Variants in IRAG2 observed in about 807,000 individuals in gnomAD.
IRAG2 encodes the protein lymphoid restricted membrane protein.
IRAG2 carries 45 observed loss-of-function variants against 69.9 expected under a neutral mutation model. That is an observed-to-expected ratio of 0.64 (90% confidence interval 0.51 to 0.83). The LOEUF is 0.83. Among genes scored for constraint, IRAG2 ranks in the 40% least tolerant of loss-of-function variants. The probability of loss-of-function intolerance (pLI) is 0.00; values close to 1 mark genes in which losing one functional copy is unlikely to be tolerated. For missense variants in IRAG2, 520 were observed against 587.0 expected, an observed-to-expected ratio of 0.89 and a Z score of 1.18; for synonymous variants, 193 against 202.4, an observed-to-expected ratio of 0.95 and a Z score of 0.40.
At chr12:25,072,379 A>G (rs10743534) in intron 6 of IRAG2, among the ~76,000 whole-genome samples, 52,249 of 151,868 alleles carry the variant, frequency 0.34, 9,428 homozygotes, top group East Asian at 0.67. Flanking sequence ...GATCCCACCA[A>G]TTCTCAACCT....
intron 1 of IRAG2, among the ~76,000 whole-genome samples, chr12:25,005,074 C>T (rs906477701): frequency 1.3e-5 from 2 of 151,130 alleles, no homozygotes; most frequent in African/African-American, 4.9e-5. Flanking sequence ...CAGAACAAAA[C>T]AGAACGTCAT....
At chr12:25,011,749 T>C (rs1188785709) in intron 3 of IRAG2, among the ~76,000 whole-genome samples, 4 of 152,206 alleles carry the variant, frequency 2.6e-5, no homozygotes, top group Admixed American at 2.0e-4. Context: ...TGAAGCCTGA[T>C]AATTTACATT....
intron 9 of IRAG2, 152 bp from the exon 10 acceptor site, chr12:25,083,271 G>A: frequency 1.5e-6 from 1 of 689,650 alleles, no homozygotes; most frequent in South Asian, 1.6e-5. Context: ...GAGTCAATGG[G>A]CACGTATACA....
chr12:25,040,317 G>T (rs1172136920), intron 16 of IRAG2, among the ~76,000 whole-genome samples: 1 of 152,186 alleles, frequency 6.6e-6, no homozygotes, highest in East Asian at 1.9e-4. Context: ...AGACCTGCCT[G>T]GGCAACATAG....
At chr12:25,032,651 A>G (rs1303484603) in intron 12 of IRAG2, among the ~76,000 whole-genome samples, 1 of 152,204 alleles carries the variant, frequency 6.6e-6, no homozygotes, top group East Asian at 1.9e-4. Flanking sequence ...TCAGGATGCC[A>G]GCAGGGTTGA....
At chr12:25,076,078 CA>C (rs200538560) in intron 6 of IRAG2, among the ~76,000 whole-genome samples, 4 of 144,842 alleles carry the variant, frequency 2.8e-5, no homozygotes, top group Non-Finnish European at 3.0e-5. Flanking sequence ...GAAACCAGAT[CA>C]AAAAAAAAAT....
At chr12:25,076,462 T>C (rs879901611) in intron 6 of IRAG2, 1 of 983,132 alleles carries the variant, frequency 1.0e-6, no homozygotes. Flanking sequence ...GGAGGCAAAC[T>C]GTATTTTTAC....
exon 3 of IRAG2, chr12:25,011,382 G>T: frequency 8.1e-7 from 1 of 1,231,726 alleles, no homozygotes; most frequent in Non-Finnish European, 1.0e-6. Context: ...CTCAGTCGGA[G>T]TGGCCAAAAT....
intron 4 of IRAG2, chr12:25,015,341 G>T (rs1378976252): frequency 8.1e-7 from 1 of 1,231,672 alleles, no homozygotes; most frequent in African/African-American, 1.6e-5. Context: ...ACTCTTGTAT[G>T]TGTTTCAGTG....
chr12:25,105,077 T>C (rs1351061609), intron 20 of IRAG2, among the ~76,000 whole-genome samples: 10 of 144,298 alleles, frequency 6.9e-5, no homozygotes. Context: ...CTCAGTTTTT[T>C]TTTTTTTTTT....
At chr12:25,068,292 A>G (rs1430513815) in intron 5 of IRAG2, among the ~76,000 whole-genome samples, 1 of 152,220 alleles carries the variant, frequency 6.6e-6, no homozygotes, top group East Asian at 1.9e-4. Context: ...TTTAAAGGAT[A>G]CAAATGAACA....
chr12:25,032,401 C>T lies in IRAG2; in HGVS notation c.1643+32C>T, dbSNP rs1200491470. 19 of 398,988 alleles carry T rather than the reference C, an allele frequency of 4.8e-5. No individual in the cohort carries two copies. In the East Asian group the frequency reaches 6.8e-4, roughly 14 times the overall value. The allele number at this position is 398,988 out of a possible 1,614,324, so 24.7% of individuals were successfully genotyped here. A position where few individuals can be genotyped will look rare whatever the true frequency, so the allele number is the denominator to read the frequency against. ...AGAGGGCAACCCTTGCCAGCCTCCT[C>T]TCTTGTTCCTCTACCCTACATTATT... On this transcript the variant is annotated intron_variant, in intron 12 of 38. Transcript: ENST00000636465.
chr12:25,097,039 A>G lies in IRAG2; in HGVS notation c.736A>G (p.Asn246Asp), dbSNP rs1459999532. 19 of 1,608,800 alleles carry G rather than the reference A, an allele frequency of 1.2e-5. No homozygotes were observed. The highest frequency in any genetic ancestry group is 1.4e-5 in the Non-Finnish European group (16 of 1,178,510). Residue 246 changes from asparagine (N) to aspartate (D), a missense_variant, in exon 15 of 22, where the codon AAT becomes GAT. Transcript: ENST00000556887. ...ASRAEMLGAI[N>D]QESRVSKAVE... ...TAGGGCTGAGATGTTGGGAGCCATC[A>G]ATCAGGTAACCTGTCTTCATTTCTC...
At chr12:25,092,420 C>A (rs1299747001) in intron 14 of IRAG2, among the ~76,000 whole-genome samples, 1 of 140,116 alleles carries the variant, frequency 7.1e-6, no homozygotes, top group Non-Finnish European at 1.6e-5. Flanking sequence ...AAAAAATTAA[C>A]TGGGCATAGT....
At chr12:25,023,611 C>A (rs1944600273) in intron 7 of IRAG2, among the ~76,000 whole-genome samples, 1 of 152,150 alleles carries the variant, frequency 6.6e-6, no homozygotes, top group African/African-American at 2.4e-5. Context: ...CAGGTTGTTA[C>A]TTTTTTGTTT....
At chr12:25,030,382 C>G in intron 10 of IRAG2, 1 of 1,172,864 alleles carries the variant, frequency 8.5e-7, no homozygotes. Flanking sequence ...GGCTAGCTCT[C>G]TCCAAATCTG....
At chr12:25,091,347 C>G (rs1190155590) in intron 14 of IRAG2, among the ~76,000 whole-genome samples, 1 of 152,160 alleles carries the variant, frequency 6.6e-6, no homozygotes, top group Non-Finnish European at 1.5e-5. Flanking sequence ...TGGATTCATA[C>G]AGTACTTGTC....
At chr12:25,025,011 G>A (rs12320620) in intron 8 of IRAG2, among the ~76,000 whole-genome samples, 42 of 152,206 alleles carry the variant, frequency 2.8e-4, no homozygotes, top group African/African-American at 9.9e-4. Context: ...AAAATCTGAT[G>A]CATTGTGAAG....
chr12:25,017,018 TAAAA>T, intron 5 of IRAG2: 1 of 597,744 alleles, frequency 1.7e-6, no homozygotes, highest in Non-Finnish European at 2.3e-6. Flanking sequence ...AGGGTAAAGT[TAAAA>T]AAAAAAAAAC....
Sources: allele counts gnomAD v4.1 joint callset (sites outside exome capture counted in the v4.1 genomes callset), GRCh38; gene constraint gnomAD v4.1.1; transcripts MANE v1.5; gene names NCBI Gene and HGNC (gene_info 2026-07-23, HGNC 2026-07-21).